The following PRH1 variants were observed in gnomAD, a reference collection of about 807,000 sequenced individuals.
PRH1 encodes salivary acidic proline-rich phosphoprotein 1/2.
In PRH1, 7 loss-of-function variants were observed where a neutral mutation model predicts 7.9. The observed-to-expected ratio is 0.89, with a 90% confidence interval of 0.50 to 1.67. The LOEUF (loss-of-function observed/expected upper bound fraction) is 1.67. PRH1 is among the 40% of genes most tolerant of loss of function. PRH1 has a pLI of 0.00. For missense variants in PRH1, 109 were observed against 223.6 expected, an observed-to-expected ratio of 0.49 and a Z score of 3.27; for synonymous variants, 45 against 80.8, an observed-to-expected ratio of 0.56 and a Z score of 2.38.
At chr12:10,955,972 C>T (rs968133746) in intron 2 of PRH1, among the ~76,000 whole-genome samples, 14 of 152,000 alleles carry the variant, frequency 9.2e-5, no homozygotes, top group Non-Finnish European at 1.2e-4. Flanking sequence ...AAGCCTAGGA[C>T]CTGATAGATT....
At chr12:10,965,238 G>T (rs563493135) in intron 2 of PRH1, 17 of 1,480,522 alleles carry the variant, frequency 1.1e-5, no homozygotes, top group African/African-American at 8.4e-5. Flanking sequence ...GAGATCTTTT[G>T]TCTCTTGACC....
chr12:11,051,728 A>G (rs1484651874), upstream of PRH1, among the ~76,000 whole-genome samples: 1 of 152,036 alleles, frequency 6.6e-6, no homozygotes, highest in Non-Finnish European at 1.5e-5. Context: ...GGAACTCTGT[A>G]TAGATACAAT....
At chr12:10,938,536 G>T in intron 2 of PRH1, 1 of 1,614,038 alleles carries the variant, frequency 6.2e-7, no homozygotes, top group Non-Finnish European at 8.5e-7. Context: ...TGTGGGCTTT[G>T]GTGCTGGCGT....
chr12:11,018,900 G>A (rs1941435778), intron 1 of PRH1, among the ~76,000 whole-genome samples: 1 of 152,276 alleles, frequency 6.6e-6, no homozygotes, highest in Non-Finnish European at 1.5e-5. Flanking sequence ...TCGCCCGAAG[G>A]GACTGTCTGG....
intron 2 of PRH1, chr12:10,908,379 TGA>T: frequency 1.2e-6 from 2 of 1,601,990 alleles, no homozygotes; most frequent in South Asian, 1.1e-5. Context: ...TATGAAATTG[TGA>T]GTTTCTCATC....
chr12:11,169,700 A>T (rs571068166), intron 1 of PRH1, among the ~76,000 whole-genome samples: 58 of 152,314 alleles, frequency 3.8e-4, no homozygotes, highest in African/African-American at 1.4e-3. Flanking sequence ...GGAGTAAATT[A>T]TATGTGTGAA....
chr12:11,152,917 A>G (rs919406356), intron 1 of PRH1, among the ~76,000 whole-genome samples: 1 of 152,190 alleles, frequency 6.6e-6, no homozygotes, highest in African/African-American at 2.4e-5. Flanking sequence ...GAGACTGTGG[A>G]TCATGACAGA....
chr12:10,973,866 T>G, intron 1 of PRH1: 14 of 444,502 alleles, frequency 3.1e-5, no homozygotes, highest in East Asian at 3.4e-5. Flanking sequence ...ATGCAATCTC[T>G]ATCAAATTCT....
chr12:10,997,413 T>C (rs774403812), intron 1 of PRH1: 2 of 1,614,082 alleles, frequency 1.2e-6, no homozygotes, highest in African/African-American at 1.3e-5. Context: ...CATTCTTCTG[T>C]CCACACATTT....
intron 2 of PRH1, among the ~76,000 whole-genome samples, chr12:10,954,004 G>A (rs1937824333): frequency 6.6e-6 from 1 of 152,090 alleles, no homozygotes; most frequent in African/African-American, 2.4e-5. Flanking sequence ...TTCATATCCA[G>A]CCAAACTAAA....
chr12:10,886,378 A>G (rs1380663960), upstream of PRH1, among the ~76,000 whole-genome samples: 1 of 152,230 alleles, frequency 6.6e-6, no homozygotes, highest in African/African-American at 2.4e-5. Context: ...GCAGCAGAGT[A>G]CAGGAAAAGA....
chr12:11,086,342 G>GGT (rs1944695992), intron 1 of PRH1, among the ~76,000 whole-genome samples: 1 of 113,704 alleles, frequency 8.8e-6, no homozygotes, highest in Non-Finnish European at 2.0e-5. Context: ...TAAAAAACGT[G>GGT]TTCCATTGAA....
chr12:11,155,634 T>A (rs1565711780), intron 1 of PRH1, among the ~76,000 whole-genome samples: 1 of 152,200 alleles, frequency 6.6e-6, no homozygotes, highest in Non-Finnish European at 1.5e-5. Flanking sequence ...ACTTCTTTTT[T>A]TAAGCATTAT....
At chr12:10,981,862 T>A (rs1939372780) in intron 1 of PRH1, among the ~76,000 whole-genome samples, 1 of 110,392 alleles carries the variant, frequency 9.1e-6, no homozygotes, top group East Asian at 2.1e-4. Flanking sequence ...CACAAACAAC[T>A]AATTTTTTTT....
chr12:10,910,852 T>A (rs766142441), intron 2 of PRH1, among the ~76,000 whole-genome samples: 11 of 152,190 alleles, frequency 7.2e-5, no homozygotes, highest in African/African-American at 9.7e-5. Context: ...ATTATGAATG[T>A]TTGTATTTTA....
chr12:10,982,987 G>A (rs957271480), intron 1 of PRH1, among the ~76,000 whole-genome samples: 13 of 152,192 alleles, frequency 8.5e-5, no homozygotes, highest in Admixed American at 6.5e-4. Flanking sequence ...GAGTTTGCAA[G>A]GGCTGCTTGT....
rs1945008441 is a variant in PRH1 at position 11,093,930 on chromosome 12, T to C, written n.124-46742A>G. Among the ~76,000 whole-genome samples, 2 of 114,210 alleles carry C rather than the reference T, an allele frequency of 1.8e-5. 1 individual carries two copies. The highest frequency in any genetic ancestry group is 4.8e-4 in the South Asian group (2 of 4,186). The allele number at this position is 114,210 out of a possible 152,430, so 74.9% of individuals were successfully genotyped here. On this transcript the variant is annotated intron_variant and non_coding_transcript_variant, in intron 1 of 4. Transcript: ENST00000541977. ...AGAATGAGAAACTATTGAAGTCAGATTGCCGCCACCTGATCCAGACTAAAT... is the reference window on the plus strand; with the variant it reads ...AGAATGAGAAACTATTGAAGTCAGACTGCCGCCACCTGATCCAGACTAAAT...
chr12:10,988,869 C>T (rs758464715), intron 1 of PRH1, among the ~76,000 whole-genome samples: 21 of 152,156 alleles, frequency 1.4e-4, no homozygotes, highest in Middle Eastern at 3.4e-3. Flanking sequence ...TGCAGTGGCG[C>T]GATCTCAGCT....
intron 1 of PRH1, among the ~76,000 whole-genome samples, chr12:10,991,017 C>A (rs10845269): frequency 0.3 from 46,327 of 151,972 alleles, 8,914 homozygotes; most frequent in East Asian, 0.74. Flanking sequence ...GTTCTTGTTA[C>A]GACATCCAAA....
Sources: allele counts gnomAD v4.1 joint callset (sites outside exome capture counted in the v4.1 genomes callset), GRCh38; gene constraint gnomAD v4.1.1; transcripts MANE v1.5; gene names NCBI Gene and HGNC (gene_info 2026-07-23, HGNC 2026-07-21).